The following ETV6 variants were observed in gnomAD, a reference collection of about 807,000 sequenced individuals.
ETV6 encodes the protein ETS variant transcription factor 6.
Under a neutral mutation model 51.1 loss-of-function variants are expected in ETV6, and 16 were observed. The observed-to-expected ratio is 0.31, with a 90% CI of 0.21 to 0.48. The LOEUF (loss-of-function observed/expected upper bound fraction) is 0.48. Among genes scored for constraint, ETV6 ranks in the 20% least tolerant of loss-of-function variants. ETV6 has a pLI of 0.99. For synonymous variants in ETV6, 240 were observed against 224.1 expected (o/e 1.07, Z -0.64); for missense variants, 458 against 594.8 (o/e 0.77, Z 2.39).
At chr12:11,872,477 C>T (rs1283058399) in intron 5 of ETV6, among the ~76,000 whole-genome samples, 2 of 148,406 alleles carry the variant, frequency 1.3e-5, no homozygotes. Context: ...AAATATTAGT[C>T]TCTTAAAATT....
At chr12:11,734,343 A>T (rs529075283) in intron 1 of ETV6, among the ~76,000 whole-genome samples, 24 of 152,218 alleles carry the variant, frequency 1.6e-4, no homozygotes, top group Middle Eastern at 3.4e-3. Context: ...GCAGTGGTTC[A>T]TGCCTGTAAT....
intron 1 of ETV6, among the ~76,000 whole-genome samples, chr12:11,684,564 T>G (rs927187050): frequency 2.6e-5 from 4 of 152,234 alleles, no homozygotes; most frequent in Non-Finnish European, 5.9e-5. Context: ...TCAACAGTGA[T>G]CACTACGTGA....
At chr12:11,841,381 G>T (rs1252729977) in intron 3 of ETV6, among the ~76,000 whole-genome samples, 1 of 152,212 alleles carries the variant, frequency 6.6e-6, no homozygotes, top group Non-Finnish European at 1.5e-5. Context: ...AGTAGCACTG[G>T]TGTCGGGAGA....
chr12:11,669,052 G>A lies in ETV6; in HGVS notation c.33+18892G>A, dbSNP rs75997191. On this transcript the variant is annotated intron_variant, in intron 1 of 7. Transcript: ENST00000396373. ...ATTAGGTCTAATTCTGTACACACCC[G>A]CATGCACATGCACACATATCTTTTT... 9.0e-4 allele frequency among the ~76,000 whole-genome samples: 137 copies of A among 152,288 alleles called. No individual in the cohort carries two copies. The East Asian group carries it at 0.023, about 26-fold the overall frequency.
chr12:11,728,065 C>A (rs138317149), intron 1 of ETV6, among the ~76,000 whole-genome samples: 1 of 152,274 alleles, frequency 6.6e-6, no homozygotes, highest in Non-Finnish European at 1.5e-5. Context: ...AGTGATCTGC[C>A]CGCCTCGGTC....
chr12:11,724,518 A>T (rs1002519694), intron 1 of ETV6, among the ~76,000 whole-genome samples: 3 of 152,164 alleles, frequency 2.0e-5, no homozygotes, highest in African/African-American at 7.2e-5. Context: ...TTGAAAGTCT[A>T]CTATATGCCG....
intron 1 of ETV6, chr12:11,750,728 G>T (rs561142866): frequency 1.4e-5 from 6 of 420,330 alleles, no homozygotes; most frequent in Non-Finnish European, 2.7e-5. Flanking sequence ...TGTTTGAAAT[G>T]CTCAGAAGCC....
chr12:11,888,505 C>T (rs1352765730), intron 7 of ETV6, among the ~76,000 whole-genome samples: 1 of 150,606 alleles, frequency 6.6e-6, no homozygotes. Flanking sequence ...AAGCAATTCT[C>T]ATAATTATCA....
chr12:11,738,598 C>A (rs1005093377), intron 1 of ETV6, among the ~76,000 whole-genome samples: 1 of 152,092 alleles, frequency 6.6e-6, no homozygotes, highest in Non-Finnish European at 1.5e-5. Flanking sequence ...TGACCCACTG[C>A]GCCTCTGCCC....
chr12:11,863,352 G>A (rs1207902447), intron 4 of ETV6, among the ~76,000 whole-genome samples: 2 of 152,104 alleles, frequency 1.3e-5, no homozygotes, highest in African/African-American at 4.8e-5. Context: ...AGGCCGTTTG[G>A]CAGTGAGAAG....
chr12:11,697,570 T>C (rs1352251789), intron 1 of ETV6, among the ~76,000 whole-genome samples: 1 of 152,236 alleles, frequency 6.6e-6, no homozygotes, highest in Non-Finnish European at 1.5e-5. Flanking sequence ...TTAAGTTTCC[T>C]AATTCTGTGA....
At chr12:11,728,572 G>C (rs1865534700) in intron 1 of ETV6, among the ~76,000 whole-genome samples, 1 of 152,130 alleles carries the variant, frequency 6.6e-6, no homozygotes. Context: ...CCAGTCCGTG[G>C]AAAAATGTTC....
chr12:11,823,891 C>T (rs552277064), intron 2 of ETV6, among the ~76,000 whole-genome samples: 1 of 152,342 alleles, frequency 6.6e-6, no homozygotes, highest in South Asian at 2.1e-4. Context: ...TTGATTCTTC[C>T]TGTGTATCCC....
At position 11,850,907 on chromosome 12, in the gene ETV6, G is replaced by A. The variant is rs190775484; in HGVS notation, c.329-2520G>A. 7.2e-5 allele frequency among the ~76,000 whole-genome samples: 11 copies of A among 152,362 alleles called. No homozygotes were observed. The East Asian group carries it at 2.1e-3, about 29-fold the overall frequency. The stretch of plus-strand genomic sequence containing the variant: ...GGGGGCTTCTCCAAGCCCAGAAGCA[G>A]CCACCAAGAGGGGTCCAGGGAGCAG... On this transcript the variant is annotated intron_variant, in intron 3 of 7. Transcript: ENST00000396373.
intron 1 of ETV6, among the ~76,000 whole-genome samples, chr12:11,656,352 G>C (rs961249314): frequency 6.6e-6 from 1 of 152,166 alleles, no homozygotes. Context: ...CCATTTTTGC[G>C]AAGAAAATTA....
rs963532031 is a variant in ETV6, at chr12:11,854,045, T to C, written c.463+484T>C. Among the ~76,000 whole-genome samples the C allele has an allele frequency of 4.6e-5, 7 of 152,194 alleles. No homozygotes were observed. The East Asian group carries it at 5.8e-4, about 13-fold the overall frequency. On this transcript the variant is annotated intron_variant, in intron 4 of 7. Transcript: ENST00000396373. ...ATTATCATACATAATGAAATAATTATACAATCCACCATAATGTCGAATCAG... is the reference window on the plus strand; with the variant it reads ...ATTATCATACATAATGAAATAATTACACAATCCACCATAATGTCGAATCAG...
intron 2 of ETV6, among the ~76,000 whole-genome samples, chr12:11,829,323 T>C (rs1946206932): frequency 6.6e-6 from 1 of 152,202 alleles, no homozygotes; most frequent in Admixed American, 6.5e-5. Flanking sequence ...AACATCTCTA[T>C]AGGGATCACC....
chr12:11,650,481 TA>T (rs367594605), intron 1 of ETV6, among the ~76,000 whole-genome samples: 792 of 43,338 alleles, frequency 0.018, 30 homozygotes, highest in African/African-American at 0.054. Context: ...TTAGTGCGCT[TA>T]AAAAAAAAAA....
At chr12:11,817,583 T>G (rs572385951) in intron 2 of ETV6, among the ~76,000 whole-genome samples, 9 of 152,354 alleles carry the variant, frequency 5.9e-5, no homozygotes, top group African/African-American at 2.2e-4. Context: ...CATGTACTTT[T>G]CTAGCCAGAA....
Sources: gnomAD v4.1 joint callset for allele counts (sites outside exome capture counted in the v4.1 genomes callset) on GRCh38, gnomAD v4.1.1 for gene constraint, MANE v1.5 for transcripts, NCBI Gene and HGNC (gene_info 2026-07-23, HGNC 2026-07-21) for gene names.